The following PTPRK variants were observed in gnomAD, a reference collection of about 807,000 sequenced individuals.
PTPRK encodes protein tyrosine phosphatase receptor type K.
Under a neutral mutation model 178.0 loss-of-function variants are expected in PTPRK, and 75 were observed. The ratio of observed to expected loss-of-function variants is 0.42; its 90% CI spans 0.35 to 0.51. The LOEUF (loss-of-function observed/expected upper bound fraction) is 0.51. PTPRK is among the 20% of genes least tolerant of loss of function. The probability of loss-of-function intolerance (pLI) is 0.02; values close to 1 mark genes in which losing one functional copy is unlikely to be tolerated. For missense variants in PTPRK, 1,441 were observed against 1,797.8 expected, an observed-to-expected ratio of 0.80 and a Z score of 3.59; for synonymous variants, 637 against 620.6, an observed-to-expected ratio of 1.03 and a Z score of -0.39.
intron 2 of PTPRK, among the ~76,000 whole-genome samples, chr6:128,393,089 CTTT>C (rs755172831): frequency 3.2e-5 from 4 of 124,872 alleles, no homozygotes; most frequent in East Asian, 2.3e-4. Context: ...TTCATAAGGA[CTTT>C]TTTTTTTTTT....
chr6:128,282,613 G>A (rs1446039138), intron 3 of PTPRK, among the ~76,000 whole-genome samples: 3 of 152,090 alleles, frequency 2.0e-5, no homozygotes, highest in Admixed American at 6.6e-5. Context: ...CAAGGGATTC[G>A]GTTTACATCA....
intron 3 of PTPRK, among the ~76,000 whole-genome samples, chr6:128,283,063 C>T (rs1048998268): frequency 3.3e-5 from 5 of 152,156 alleles, no homozygotes; most frequent in Admixed American, 2.0e-4. Context: ...AGGGTTAAAA[C>T]AGGTCATGCT....
chr6:128,003,288 A>C, intron 15 of PTPRK: 1 of 1,434,764 alleles, frequency 7.0e-7, no homozygotes, highest in Non-Finnish European at 9.6e-7. Flanking sequence ...GTTTTTTAAA[A>C]TCTTTTTTCT....
Position 128,226,796 on chromosome 6 carries a change from A to ATATATATG in PTPRK, c.694-7701_694-7700insCATATATA, listed in dbSNP as rs1244431323. On this transcript the variant is annotated intron_variant, in intron 5 of 29. Transcript: ENST00000368226. The stretch of plus-strand genomic sequence containing the variant: ...TATATATATATATATATATATATAT[A>ATATATATG]TATTTCAATAAAATCATATCTATCT... 1.3e-3 allele frequency among the ~76,000 whole-genome samples: 166 copies of ATATATATG among 128,766 alleles called. 1 individual carries two copies. Among genetic ancestry groups the ATATATATG allele is most frequent in the African/African-American group, 4.2e-3 (152 of 35,930 alleles). 84.5% of individuals were successfully genotyped at this position (128,766 alleles called of 152,430 possible).
intron 6 of PTPRK, among the ~76,000 whole-genome samples, chr6:128,205,669 G>A (rs1169828325): frequency 6.6e-6 from 1 of 150,938 alleles, no homozygotes; most frequent in African/African-American, 2.4e-5. Context: ...TACTTGAGAG[G>A]TGGAGGCAGG....
rs1840507806 is a variant in PTPRK at position 128,397,757 on chromosome 6, G to A, written c.101-69C>T. 5.4e-6 allele frequency: 8 copies of A among 1,481,526 alleles called. No homozygotes were observed. The Admixed American group carries it at 1.2e-4, about 22-fold the overall frequency. The allele number at this position is 1,481,526 out of a possible 1,614,324, so 91.8% of individuals were successfully genotyped here. A position where few individuals can be genotyped will look rare whatever the true frequency, so the allele number is the denominator to read the frequency against. ...CAAACATAACGAAAGTTCTGGAGAA[G>A]GAAATGTTATATTGATATATATAAT... On this transcript the variant is annotated intron_variant, in intron 1 of 29. Coordinates refer to ENST00000368226, the MANE Select transcript of PTPRK (RefSeq NM_002844.4).
Position 128,335,603 on chromosome 6 carries a change from G to T in PTPRK, c.224-13293C>A, listed in dbSNP as rs563914606. On this transcript the variant is annotated intron_variant, in intron 2 of 29. Coordinates refer to ENST00000368226, the MANE Select transcript of PTPRK (RefSeq NM_002844.4). ...AAAACAGGGTGGTAGAGAAAATAGG[G>T]TTATTTTATTTTTCATCTCACCAGT... Among the ~76,000 whole-genome samples the T allele has an allele frequency of 5.3e-5, 8 of 151,940 alleles. No homozygotes were observed. The South Asian group carries it at 1.0e-3, about 20-fold the overall frequency.
chr6:128,128,156 T>C (rs942358753), intron 7 of PTPRK, among the ~76,000 whole-genome samples: 2 of 152,212 alleles, frequency 1.3e-5, no homozygotes, highest in Non-Finnish European at 2.9e-5. Context: ...TTTAAGATAA[T>C]TATATCTTTA....
At chr6:128,344,499 G>A (rs1832129094) in intron 2 of PTPRK, among the ~76,000 whole-genome samples, 1 of 151,858 alleles carries the variant, frequency 6.6e-6, no homozygotes, top group Admixed American at 6.6e-5. Context: ...TGATTATTCA[G>A]TCTTTTATCC....
chr6:127,979,118 A>T (rs1187238991), intron 25 of PTPRK, among the ~76,000 whole-genome samples: 1 of 145,554 alleles, frequency 6.9e-6, no homozygotes, highest in Non-Finnish European at 1.5e-5. Context: ...AAAAAATAAT[A>T]AAAAAAAAAT....
At chr6:128,441,031 T>C (rs1331389285) in intron 1 of PTPRK, among the ~76,000 whole-genome samples, 1 of 152,170 alleles carries the variant, frequency 6.6e-6, no homozygotes, top group Non-Finnish European at 1.5e-5. Context: ...CATATAAGAA[T>C]TGCTGTTTCC....
At chr6:128,217,663 T>A (rs767816338) in intron 6 of PTPRK, among the ~76,000 whole-genome samples, 8 of 152,112 alleles carry the variant, frequency 5.3e-5, no homozygotes, top group Non-Finnish European at 7.3e-5. Context: ...TATGGACATA[T>A]CTCATATTCT....
At chr6:128,268,816 AC>A (rs1254147228) in intron 3 of PTPRK, among the ~76,000 whole-genome samples, 1 of 152,030 alleles carries the variant, frequency 6.6e-6, no homozygotes, top group Admixed American at 6.6e-5. Context: ...ATCCATTCTT[AC>A]CATTTTATTC....
chr6:128,059,413 T>C (rs1780449004), intron 13 of PTPRK, among the ~76,000 whole-genome samples: 2 of 152,186 alleles, frequency 1.3e-5, no homozygotes, highest in Admixed American at 1.3e-4. Flanking sequence ...TGACAACATC[T>C]TAAAATACTG....
intron 6 of PTPRK, among the ~76,000 whole-genome samples, chr6:128,194,583 A>C (rs371790053): frequency 1.3e-5 from 2 of 152,320 alleles, no homozygotes; most frequent in African/African-American, 4.8e-5. Flanking sequence ...TAGTATTTCA[A>C]GAAAAGAACA....
At chr6:128,424,352 G>C (rs371894581) in intron 1 of PTPRK, among the ~76,000 whole-genome samples, 3 of 152,206 alleles carry the variant, frequency 2.0e-5, no homozygotes, top group Non-Finnish European at 2.9e-5. Context: ...GGAAGTTCAG[G>C]CTTGCTCATC....
intron 1 of PTPRK, among the ~76,000 whole-genome samples, chr6:128,431,538 C>T (rs1375985008): frequency 1.3e-5 from 2 of 151,846 alleles, no homozygotes; most frequent in African/African-American, 4.8e-5. Context: ...CAGATGTCAC[C>T]AATAATGTCA....
intron 2 of PTPRK, among the ~76,000 whole-genome samples, chr6:128,353,273 A>T (rs191698141): frequency 6.6e-6 from 1 of 152,234 alleles, no homozygotes. Context: ...GGGAATGTAA[A>T]ATGGTACAGC....
chr6:128,417,456 T>C (rs987771599), intron 1 of PTPRK, among the ~76,000 whole-genome samples: 9 of 152,188 alleles, frequency 5.9e-5, no homozygotes, highest in Admixed American at 2.0e-4. Flanking sequence ...AAAACTATAA[T>C]GGTTAATAAT....
Sources: allele counts gnomAD v4.1 joint callset (sites outside exome capture counted in the v4.1 genomes callset), GRCh38; gene constraint gnomAD v4.1.1; transcripts MANE v1.5; gene names NCBI Gene and HGNC (gene_info 2026-07-23, HGNC 2026-07-21).